Variants in PKIB observed in about 807,000 individuals in gnomAD.
The protein encoded by PKIB is PKI-beta.
Under a neutral mutation model 4.5 loss-of-function variants are expected in PKIB, and 2 were observed. That is an observed-to-expected ratio of 0.44 (90% CI 0.18 to 1.39). The LOEUF (loss-of-function observed/expected upper bound fraction) is 1.39. Ranked by LOEUF, PKIB falls within the 40% of genes most tolerant of loss-of-function variation. The pLI, the probability that PKIB is intolerant of heterozygous loss-of-function variation, is 0.27. For synonymous variants in PKIB, 38 were observed against 36.0 expected (o/e 1.06, Z -0.20); for missense variants, 94 against 92.6 (o/e 1.02, Z -0.06).
intron 2 of PKIB, among the ~76,000 whole-genome samples, chr6:122,574,742 AT>A (rs1773477324): frequency 1.3e-5 from 2 of 152,190 alleles, no homozygotes; most frequent in Non-Finnish European, 2.9e-5. Flanking sequence ...TTCTACAAAA[AT>A]CAACTCAAGA....
At chr6:122,720,265 C>G (rs150994919) in intron 4 of PKIB, among the ~76,000 whole-genome samples, 1 of 152,026 alleles carries the variant, frequency 6.6e-6, no homozygotes, top group East Asian at 1.9e-4. Flanking sequence ...ATGAAATTAA[C>G]CTGAGATTTG....
At chr6:122,527,335 C>G (rs1777122467) in intron 2 of PKIB, among the ~76,000 whole-genome samples, 1 of 151,940 alleles carries the variant, frequency 6.6e-6, no homozygotes, top group South Asian at 2.1e-4. Context: ...TTTGCATTCA[C>G]AACTTGCTAA....
intron 2 of PKIB, among the ~76,000 whole-genome samples, chr6:122,575,275 A>G (rs1171468976): frequency 6.6e-6 from 1 of 152,200 alleles, no homozygotes; most frequent in Non-Finnish European, 1.5e-5. Flanking sequence ...GGATGTGGTG[A>G]AAAGGAAACA....
intron 2 of PKIB, among the ~76,000 whole-genome samples, chr6:122,570,596 C>T (rs550203845): frequency 1.3e-5 from 2 of 152,318 alleles, no homozygotes; most frequent in East Asian, 3.9e-4. Context: ...CAACAAGCAT[C>T]TGGAAAAGCC....
chr6:122,623,056 C>T (rs1775303983), intron 1 of PKIB, among the ~76,000 whole-genome samples: 2 of 152,120 alleles, frequency 1.3e-5, no homozygotes, highest in South Asian at 4.1e-4. Flanking sequence ...CCAGAGCAAA[C>T]ATTTATGTTT....
At chr6:122,701,110 G>A (rs1778796195) in intron 3 of PKIB, 1 of 212,888 alleles carries the variant, frequency 4.7e-6, no homozygotes, top group Non-Finnish European at 9.4e-6. Flanking sequence ...GCCCTTCGGA[G>A]TCATGAGAGT....
intron 3 of PKIB, among the ~76,000 whole-genome samples, chr6:122,603,048 C>G (rs1032574543): frequency 9.9e-5 from 15 of 151,948 alleles, no homozygotes; most frequent in Non-Finnish European, 2.1e-4. Flanking sequence ...GTCCAATTCC[C>G]CAGGAACATC....
At chr6:122,647,135 A>G (rs1268727649) in intron 2 of PKIB, among the ~76,000 whole-genome samples, 2 of 152,186 alleles carry the variant, frequency 1.3e-5, no homozygotes, top group Admixed American at 6.5e-5. Context: ...ACACACTCGC[A>G]GAAGAGTAGG....
intron 2 of PKIB, among the ~76,000 whole-genome samples, chr6:122,577,321 G>C (rs1312234311): frequency 2.6e-5 from 4 of 152,120 alleles, no homozygotes. Context: ...AGGGACGCAG[G>C]GTTGGAGAAA....
At chr6:122,510,190 T>C (rs914711893) in intron 2 of PKIB, among the ~76,000 whole-genome samples, 2 of 152,228 alleles carry the variant, frequency 1.3e-5, no homozygotes, top group African/African-American at 4.8e-5. Flanking sequence ...TTGAATTTTT[T>C]TCAGGTGTTC....
chr6:122,576,395 G>A (rs1023973766), intron 2 of PKIB, among the ~76,000 whole-genome samples: 37 of 151,624 alleles, frequency 2.4e-4, no homozygotes, highest in African/African-American at 1.7e-4. Flanking sequence ...TTGGCTGGGC[G>A]CGGTGGCTCA....
intron 2 of PKIB, among the ~76,000 whole-genome samples, chr6:122,566,195 A>C (rs567149718): frequency 6.6e-6 from 1 of 152,272 alleles, no homozygotes; most frequent in African/African-American, 2.4e-5. Flanking sequence ...AAAAGAAATA[A>C]AAAAAGAAGT....
chr6:122,691,597 G>T (rs892482237), intron 3 of PKIB, among the ~76,000 whole-genome samples: 1 of 145,598 alleles, frequency 6.9e-6, no homozygotes, highest in Non-Finnish European at 1.5e-5. Flanking sequence ...GCTTCCCTGT[G>T]TTATCTTGAT....
At chr6:122,621,749 T>C (rs758062584) in intron 1 of PKIB, among the ~76,000 whole-genome samples, 57 of 152,272 alleles carry the variant, frequency 3.7e-4, no homozygotes, top group Non-Finnish European at 7.6e-4. Context: ...TTGCCTATTA[T>C]GTTAAATAGA....
At chr6:122,531,423 C>T (rs1361108318) in intron 2 of PKIB, 4 of 152,172 alleles carry the variant, frequency 2.6e-5, no homozygotes, top group Non-Finnish European at 4.4e-5. Context: ...AAATCTACTT[C>T]ATTATACAGG....
chr6:122,579,702 T>C (rs947911616), intron 2 of PKIB, among the ~76,000 whole-genome samples: 1 of 152,226 alleles, frequency 6.6e-6, no homozygotes, highest in Non-Finnish European at 1.5e-5. Context: ...TAGTATTTTC[T>C]CTAGGCCCCA....
chr6:122,718,416 A>G (rs1328181029), intron 4 of PKIB, among the ~76,000 whole-genome samples: 1 of 152,216 alleles, frequency 6.6e-6, no homozygotes, highest in East Asian at 1.9e-4. Flanking sequence ...ACTATCAAGT[A>G]GAGATGAGAT....
chr6:122,538,333 T>C (rs2114630487), intron 2 of PKIB, among the ~76,000 whole-genome samples: 1 of 152,262 alleles, frequency 6.6e-6, no homozygotes. Flanking sequence ...AAGTCTATAA[T>C]CCATCTTGAA....
At chr6:122,491,248 G>T (rs74690739) in intron 2 of PKIB, among the ~76,000 whole-genome samples, 5,806 of 152,224 alleles carry the variant, frequency 0.038, 148 homozygotes, top group Non-Finnish European at 0.056. Context: ...CATGCACAGT[G>T]TGTTACTGGA....
Sources: allele counts gnomAD v4.1 joint callset (sites outside exome capture counted in the v4.1 genomes callset), GRCh38; gene constraint gnomAD v4.1.1; transcripts MANE v1.5; gene names NCBI Gene and HGNC (gene_info 2026-07-23, HGNC 2026-07-21).